The following CHSY3 variants were observed in gnomAD, a reference collection of about 807,000 sequenced individuals.
CHSY3 encodes the protein chondroitin sulfate synthase 3, also known as N-acetylgalactosaminyl-proteoglycan 3-beta-glucuronosyltransferase 3.
In CHSY3, 35 loss-of-function variants were observed where a neutral mutation model predicts 67.2. The observed-to-expected ratio is 0.52, with a 90% CI of 0.40 to 0.69. The LOEUF (loss-of-function observed/expected upper bound fraction) is 0.69, where lower values mean the gene tolerates loss of function less well. CHSY3 is among the 30% of genes least tolerant of loss of function. CHSY3 has a pLI of 0.00. For synonymous variants in CHSY3, 474 were observed against 434.7 expected (o/e 1.09, Z -1.12); for missense variants, 1,069 against 1,138.5 (o/e 0.94, Z 0.88).
chr5:130,065,386 G>A (rs775741498), intron 2 of CHSY3, among the ~76,000 whole-genome samples: 8 of 152,058 alleles, frequency 5.3e-5, no homozygotes, highest in Non-Finnish European at 1.2e-4. Flanking sequence ...AACAAAAAAC[G>A]ACTCATGTAG....
chr5:130,065,813 G>A (rs1388136193), intron 2 of CHSY3, among the ~76,000 whole-genome samples: 2 of 152,002 alleles, frequency 1.3e-5, no homozygotes, highest in Non-Finnish European at 2.9e-5. Context: ...TTCCAGTTTG[G>A]TGAGACTCCA....
In CHSY3 at chr5:129,904,614, C is replaced by T. The variant is rs1476817833; in HGVS notation, c.-216C>T. On this transcript the variant is annotated 5_prime_UTR_variant, in exon 1 of 3. Coordinates refer to ENST00000305031, the MANE Select transcript of CHSY3 (RefSeq NM_175856.5). ...TTCACTCCCGACCCTTGCTCGGAGCCCCGGCCCAGAGCTGAGCGGGAGCCC... is the reference window on the plus strand; with the variant it reads ...TTCACTCCCGACCCTTGCTCGGAGCTCCGGCCCAGAGCTGAGCGGGAGCCC... 14 of 730,150 alleles carry T rather than the reference C, an allele frequency of 1.9e-5. No individual in the cohort carries two copies. The highest frequency in any genetic ancestry group is 4.6e-5 in the Admixed American group (1 of 21,532). 45.2% of individuals were successfully genotyped at this position (730,150 alleles called of 1,614,324 possible).
rs149680435 is a variant in CHSY3, at chr5:130,037,580, A to G, written c.1086+129220A>G. Among the ~76,000 whole-genome samples the G allele has an allele frequency of 2.4e-3, 367 of 152,254 alleles. 3 individuals are homozygous for G. The highest frequency in any genetic ancestry group is 8.3e-3 in the African/African-American group (345 of 41,566). On this transcript the variant is annotated intron_variant, in intron 2 of 2. Coordinates refer to ENST00000305031, the MANE Select transcript of CHSY3 (RefSeq NM_175856.5). Reference sequence around the variant, plus strand: ...TGACTGTTCCACTTCTATGATATATATTATATAAATAAAGTCTTAATCATG... The same window carrying G: ...TGACTGTTCCACTTCTATGATATATGTTATATAAATAAAGTCTTAATCATG...
At chr5:129,970,189 G>A (rs932842960) in intron 2 of CHSY3, among the ~76,000 whole-genome samples, 1 of 151,770 alleles carries the variant, frequency 6.6e-6, no homozygotes, top group Non-Finnish European at 1.5e-5. Flanking sequence ...TATTTTATTT[G>A]TCTGTTTACT....
In CHSY3 at chr5:129,942,374, A is replaced by G. The variant is rs1761725264; in HGVS notation, c.1086+34014A>G. ...TATTTTCTTATAAATGTTGATCCCT[A>G]AAATTTCTATTATATATTTGGAGAA... On this transcript the variant is annotated intron_variant, in intron 2 of 2. Transcript: ENST00000305031. Among the ~76,000 whole-genome samples the G allele has an allele frequency of 1.3e-5, 2 of 152,332 alleles. 1 individual carries two copies. Among genetic ancestry groups the G allele is most frequent in the South Asian group, 4.1e-4 (2 of 4,830 alleles).
At chr5:130,004,447 C>A (rs755344629) in intron 2 of CHSY3, among the ~76,000 whole-genome samples, 17 of 152,018 alleles carry the variant, frequency 1.1e-4, no homozygotes, top group Non-Finnish European at 1.6e-4. Context: ...GGAACTTTGT[C>A]TTTATTAATC....
At position 130,091,138 on chromosome 5, in the gene CHSY3, A is replaced by ACACACG. The variant is rs201758100; in HGVS notation, c.1087-93088_1087-93087insACGCAC. ...CACACACACACACACACACACACGC[A>ACACACG]CACGCGCGCACACACACACACACAC... On this transcript the variant is annotated intron_variant, in intron 2 of 2. Transcript: ENST00000305031. Among the ~76,000 whole-genome samples, 895 of 98,944 alleles carry ACACACG rather than the reference A, an allele frequency of 9.0e-3. 9 individuals carry two copies. Among genetic ancestry groups the ACACACG allele is most frequent in the African/African-American group, 0.031 (861 of 27,998 alleles). 64.9% of individuals were successfully genotyped at this position (98,944 alleles called of 152,430 possible).
intron 2 of CHSY3, among the ~76,000 whole-genome samples, chr5:130,176,018 A>C (rs913123316): frequency 6.6e-6 from 1 of 152,188 alleles, no homozygotes; most frequent in Non-Finnish European, 1.5e-5. Flanking sequence ...AATTAAACTA[A>C]AGAGCTTCTG....
chr5:130,089,429 CATTTTA>C (rs1181416569), intron 2 of CHSY3, among the ~76,000 whole-genome samples: 1 of 151,858 alleles, frequency 6.6e-6, no homozygotes, highest in African/African-American at 2.4e-5. Flanking sequence ...ACAGAAACTT[CATTTTA>C]ATAGATTAAT....
intron 2 of CHSY3, among the ~76,000 whole-genome samples, chr5:130,033,473 C>T (rs1348783858): frequency 1.3e-5 from 2 of 152,114 alleles, no homozygotes; most frequent in Non-Finnish European, 2.9e-5. Flanking sequence ...TACTGATTCT[C>T]ATGAAACTGT....
chr5:130,077,152 A>G (rs1269024111), intron 2 of CHSY3, among the ~76,000 whole-genome samples: 2 of 152,004 alleles, frequency 1.3e-5, no homozygotes, highest in African/African-American at 4.8e-5. Context: ...ATTGTAAACT[A>G]CGAAAGAGAG....
In CHSY3 at chr5:129,948,228, T is replaced by C. The variant is rs368053017; in HGVS notation, c.1086+39868T>C. Reference sequence around the variant, plus strand: ...AGGTTTTTGGGGAACAGGTGGTGTTTAGTTACATGAATAATTTATTTAGTC... The same window carrying C: ...AGGTTTTTGGGGAACAGGTGGTGTTCAGTTACATGAATAATTTATTTAGTC... On this transcript the variant is annotated intron_variant, in intron 2 of 2. Coordinates refer to ENST00000305031, the MANE Select transcript of CHSY3 (RefSeq NM_175856.5). Among the ~76,000 whole-genome samples the C allele has an allele frequency of 1.2e-4, 18 of 152,296 alleles. No individual in the cohort carries two copies. In the East Asian group the frequency reaches 1.4e-3, roughly 11 times the overall value.
intron 2 of CHSY3, among the ~76,000 whole-genome samples, chr5:130,007,636 C>G (rs1763913726): frequency 6.6e-6 from 1 of 152,120 alleles, no homozygotes; most frequent in South Asian, 2.1e-4. Flanking sequence ...GGAGAGATTG[C>G]TGCTTGGAGA....
chr5:130,089,203 C>G (rs181142284), intron 2 of CHSY3, among the ~76,000 whole-genome samples: 3,135 of 123,244 alleles, frequency 0.025, 129 homozygotes, highest in African/African-American at 0.093. Context: ...AGGGGAACAT[C>G]ACACTCTGGG....
chr5:130,069,825 A>G lies in CHSY3; in HGVS notation c.1087-114404A>G, dbSNP rs559016681. On this transcript the variant is annotated intron_variant, in intron 2 of 2. Transcript: ENST00000305031. The stretch of plus-strand genomic sequence containing the variant: ...TACCTTTATGTTTCTCCTTCTTCTT[A>G]CCAATTCTTTCTCTTCTAAATTAAG... Among the ~76,000 whole-genome samples the G allele has an allele frequency of 3.6e-4, 55 of 152,156 alleles. 1 individual carries two copies. The South Asian group carries it at 7.7e-3, about 21-fold the overall frequency.
chr5:130,175,922 C>T (rs777944133), intron 2 of CHSY3, among the ~76,000 whole-genome samples: 28 of 152,108 alleles, frequency 1.8e-4, no homozygotes, highest in Non-Finnish European at 4.0e-4. Flanking sequence ...TAGGCCATAC[C>T]ATTCAGGACA....
intron 2 of CHSY3, among the ~76,000 whole-genome samples, chr5:130,056,253 A>G (rs1239022607): frequency 1.3e-5 from 2 of 150,396 alleles, no homozygotes; most frequent in East Asian, 3.9e-4. Flanking sequence ...TTGGTTCATC[A>G]GAAAGAGAAG....
At chr5:129,933,834 A>T (rs1188268674) in intron 2 of CHSY3, among the ~76,000 whole-genome samples, 1 of 152,092 alleles carries the variant, frequency 6.6e-6, no homozygotes, top group Non-Finnish European at 1.5e-5. Context: ...AATTGGATGA[A>T]TTTTTTAGAA....
chr5:130,078,792 G>C (rs1419997980), intron 2 of CHSY3, among the ~76,000 whole-genome samples: 1 of 152,130 alleles, frequency 6.6e-6, no homozygotes, highest in East Asian at 1.9e-4. Context: ...GCTCAGCTGG[G>C]CTCCGAAGGA....
Sources: gnomAD v4.1 joint callset for allele counts (sites outside exome capture counted in the v4.1 genomes callset) on GRCh38, gnomAD v4.1.1 for gene constraint, MANE v1.5 for transcripts, NCBI Gene and HGNC (gene_info 2026-07-23, HGNC 2026-07-21) for gene names.